TBC1D23: variants seen among roughly 807,000 people sequenced by gnomAD.
TBC1D23 encodes the protein TBC1 domain family member 23, also known as HCV non-structural protein 4A-transactivated protein 1.
Under a neutral mutation model 91.4 loss-of-function variants are expected in TBC1D23, and 55 were observed. The observed-to-expected ratio is 0.60, with a 90% CI of 0.48 to 0.75. TBC1D23 has a LOEUF of 0.75. Among genes scored for constraint, TBC1D23 ranks in the 30% least tolerant of loss-of-function variants. The pLI, the probability that TBC1D23 is intolerant of heterozygous loss-of-function variation, is 0.00. For missense variants in TBC1D23, 725 were observed against 836.1 expected (o/e 0.87, Z 1.64); for synonymous variants, 289 against 281.0 (o/e 1.03, Z -0.28).
intron 11 of TBC1D23, among the ~76,000 whole-genome samples, chr3:100,303,245 C>G (rs1039881020): frequency 3.9e-5 from 6 of 152,136 alleles, no homozygotes; most frequent in Admixed American, 2.0e-4. Context: ...ACACAAGCCA[C>G]TCAATTTGGA....
intron 1 of TBC1D23, among the ~76,000 whole-genome samples, chr3:100,263,962 A>G (rs2067536413): frequency 1.3e-5 from 2 of 152,180 alleles, no homozygotes; most frequent in Admixed American, 1.3e-4. Flanking sequence ...ATTTTCATGA[A>G]TGGAGGAACC....
At position 100,303,813 on chromosome 3, in the gene TBC1D23, G is replaced by A. The variant is rs141035887; in HGVS notation, c.1264-1033G>A. 3.9e-4 allele frequency among the ~76,000 whole-genome samples: 60 copies of A among 152,168 alleles called. No individual in the cohort carries two copies. In the East Asian group the frequency reaches 0.012, roughly 29 times the overall value. On this transcript the variant is annotated intron_variant, in intron 11 of 18. Transcript: ENST00000394144. Reference sequence around the variant, plus strand: ...AAAACGCTTCAGTATAAACTATACTGTATATTGTAAGGGCTGTCATAGGGC... The same window carrying A: ...AAAACGCTTCAGTATAAACTATACTATATATTGTAAGGGCTGTCATAGGGC...
intron 1 of TBC1D23, among the ~76,000 whole-genome samples, chr3:100,264,605 G>A (rs976088582): frequency 5.3e-5 from 8 of 152,196 alleles, no homozygotes; most frequent in Non-Finnish European, 4.4e-5. Context: ...GCTATGTTAA[G>A]TGACACAGCT....
intron 1 of TBC1D23, among the ~76,000 whole-genome samples, chr3:100,263,069 A>C (rs2067527297): frequency 6.6e-6 from 1 of 152,244 alleles, no homozygotes; most frequent in Non-Finnish European, 1.5e-5. Context: ...GCTTTTAATC[A>C]CCTGGGTGCA....
Position 100,310,702 on chromosome 3 carries a change from G to GA in TBC1D23, c.1553+162dup, listed in dbSNP as rs551298629. Reference sequence around the variant, plus strand: ...TTCATAGTTTTCATTAGAATTGCAGGAATGTACTTTATATCCATAATTATT... The same window carrying GA: ...TTCATAGTTTTCATTAGAATTGCAGGAAATGTACTTTATATCCATAATTATT... On this transcript the variant is annotated intron_variant, in intron 14 of 18. Coordinates refer to ENST00000394144, the MANE Select transcript of TBC1D23 (RefSeq NM_001199198.3). Among the ~76,000 whole-genome samples, 58 of 152,232 alleles carry GA rather than the reference G, an allele frequency of 3.8e-4. 1 individual carries two copies. In the South Asian group the frequency reaches 0.012, roughly 32 times the overall value.
At chr3:100,263,217 C>T (rs1450221048) in intron 1 of TBC1D23, among the ~76,000 whole-genome samples, 1 of 152,160 alleles carries the variant, frequency 6.6e-6, no homozygotes, top group Non-Finnish European at 1.5e-5. Context: ...CCAAGGTGCT[C>T]AGTGGGGGAG....
In TBC1D23 at chr3:100,297,940, T is replaced by G. The variant is rs1705334424; in HGVS notation, c.894T>G (p.Phe298Leu). Reference sequence around the variant, plus strand: ...TCAAACAGGATAATCACCATCTCTTTGGTAGTACTTTGTTGGGAATTAAGG... The same window carrying G: ...TCAAACAGGATAATCACCATCTCTTGGGTAGTACTTTGTTGGGAATTAAGG... Reference protein sequence around the residue: ...ASFRKDNHHLFGSTLLGIKDD... With the variant: ...ASFRKDNHHLLGSTLLGIKDD... Residue 298 changes from phenylalanine to leucine, a missense_variant, in exon 9 of 19, where the codon TTT becomes TTG. Transcript: ENST00000394144. 2.5e-6 allele frequency: 4 copies of G among 1,611,368 alleles called. No individual in the cohort carries two copies. The highest frequency in any genetic ancestry group is 3.4e-6 in the Non-Finnish European group (4 of 1,177,926).
intron 15 of TBC1D23, among the ~76,000 whole-genome samples, chr3:100,315,210 T>G (rs1206383126): frequency 7.4e-6 from 1 of 135,740 alleles, no homozygotes; most frequent in African/African-American, 2.8e-5. Context: ...TTGTCCAGGA[T>G]GGAGTGCAAT....
intron 11 of TBC1D23, among the ~76,000 whole-genome samples, 188 bp downstream of exon 11, chr3:100,302,425 A>G (rs1466755211): frequency 6.6e-6 from 1 of 152,094 alleles, no homozygotes; most frequent in East Asian, 1.9e-4. Context: ...ACCATCTGGC[A>G]TTTATTTTGT....
intron 1 of TBC1D23, among the ~76,000 whole-genome samples, chr3:100,278,416 T>C (rs548255317): frequency 2.0e-5 from 3 of 152,038 alleles, no homozygotes; most frequent in African/African-American, 7.2e-5. Context: ...GACGGAGTCT[T>C]GCTCTGTCAC....
At chr3:100,297,744 T>C (rs1576174434) in intron 8 of TBC1D23, among the ~76,000 whole-genome samples, 179 bp from the exon 9 acceptor site, 1 of 152,162 alleles carries the variant, frequency 6.6e-6, no homozygotes, top group African/African-American at 2.4e-5. Context: ...ACAGGGACTT[T>C]ATGTGACATT....
In TBC1D23 at chr3:100,321,003, A is replaced by C. The variant is rs370182362; in HGVS notation, c.2018+32A>C. On this transcript the variant is annotated intron_variant, in intron 18 of 18. Transcript: ENST00000394144. ...TTTTCCTTAAGATAATATTATCTGA[A>C]TTCAGATATTATCTGAATTACTGTA... 4.1e-6 allele frequency: 6 copies of C among 1,474,118 alleles called. No individual in the cohort carries two copies. The African/African-American group carries it at 8.5e-5, about 21-fold the overall frequency. 91.3% of individuals were successfully genotyped at this position (1,474,118 alleles called of 1,614,324 possible). A position where few individuals can be genotyped will look rare whatever the true frequency, so the allele number is the denominator to read the frequency against.
chr3:100,287,366 C>CA (rs2067752892), intron 4 of TBC1D23, among the ~76,000 whole-genome samples: 1 of 152,196 alleles, frequency 6.6e-6, no homozygotes, highest in African/African-American at 2.4e-5. Flanking sequence ...TCCCGTCAAG[C>CA]ACAGTGCCTT....
chr3:100,266,394 A>C (rs1193336182), intron 1 of TBC1D23, among the ~76,000 whole-genome samples: 1 of 151,858 alleles, frequency 6.6e-6, no homozygotes, highest in African/African-American at 2.4e-5. Flanking sequence ...TCAGTCTCTC[A>C]AGGAGCTAAG....
chr3:100,312,786 A>G (rs1414441038), intron 15 of TBC1D23, among the ~76,000 whole-genome samples: 1 of 152,118 alleles, frequency 6.6e-6, no homozygotes, highest in East Asian at 1.9e-4. Flanking sequence ...AATGGAATGG[A>G]ATTTTTCTCG....
At chr3:100,281,669 A>T in intron 2 of TBC1D23, 73 bp from the exon 3 acceptor site, 1 of 940,666 alleles carries the variant, frequency 1.1e-6, no homozygotes, top group East Asian at 2.5e-5. Flanking sequence ...TCAGGCCTTT[A>T]ATTATTACAG....
rs112768987 is a variant in TBC1D23, at chr3:100,272,359, G to A, written c.54-7290G>A. On this transcript the variant is annotated intron_variant, in intron 1 of 18. Transcript: ENST00000394144. ...GAAGTAATATGTTTGAGAACATGCA[G>A]TATTTCGTTTTCTGTTCCTCCTTTA... Among the ~76,000 whole-genome samples the A allele has an allele frequency of 4.9e-4, 74 of 152,306 alleles. 1 individual carries two copies. Among genetic ancestry groups the A allele is most frequent in the Non-Finnish European group, 1.1e-3 (72 of 68,030 alleles).
intron 17 of TBC1D23, 22 bp downstream of exon 17, chr3:100,319,226 TA>T (rs1705807724): frequency 6.3e-7 from 1 of 1,587,966 alleles, no homozygotes; most frequent in African/African-American, 1.4e-5. Flanking sequence ...AATGTCTTCA[TA>T]AGAAGTAAAA....
chr3:100,299,269 C>T lies in TBC1D23; in HGVS notation c.1030C>T (p.Arg344Cys), dbSNP rs777073197. 3.7e-6 allele frequency: 6 copies of T among 1,612,218 alleles called. No homozygotes were observed. Among genetic ancestry groups the T allele is most frequent in the Non-Finnish European group, 5.1e-6 (6 of 1,178,818 alleles). The stretch of plus-strand genomic sequence containing the variant: ...AGTCCGGTTCTTTGTGGTGGATTGC[C>T]GTCCTGCAGAACAATATAATGCTGG... ...EGVRFFVVDC[R>C]PAEQYNAGHL... The change falls in exon 10 of 19, where the codon CGT becomes TGT. Residue 344 changes from arginine to cysteine, a missense_variant. Arg to Cys is a radical substitution (Grantham distance 180). Transcript: ENST00000394144.
Sources: gnomAD v4.1 joint callset for allele counts (sites outside exome capture counted in the v4.1 genomes callset) on GRCh38, gnomAD v4.1.1 for gene constraint, MANE v1.5 for transcripts, NCBI Gene and HGNC (gene_info 2026-07-23, HGNC 2026-07-21) for gene names.